The following WDFY3 variants were observed in gnomAD, a reference collection of about 807,000 sequenced individuals.
WDFY3 encodes the protein WD repeat and FYVE domain-containing protein 3.
In WDFY3, 66 loss-of-function variants were observed where a neutral mutation model predicts 409.6. That is an observed-to-expected ratio of 0.16 (90% CI 0.13 to 0.20). WDFY3 has a LOEUF of 0.20. Among genes scored for constraint, WDFY3 ranks in the 10% least tolerant of loss-of-function variants. The pLI is 1.00. For missense variants in WDFY3, 3,031 were observed against 4,298.1 expected (o/e 0.71, Z 8.24); for synonymous variants, 1,521 against 1,537.1 (o/e 0.99, Z 0.25).
intron 18 of WDFY3, 96 bp from the exon 19 acceptor site, chr4:84,796,848 T>C (rs985690931): frequency 2.0e-6 from 2 of 1,012,828 alleles, no homozygotes; most frequent in Admixed American, 2.5e-5. Flanking sequence ...TCAGTTTCAA[T>C]AGACAATAAT....
chr4:84,911,449 T>C (rs755110391), intron 2 of WDFY3, among the ~76,000 whole-genome samples: 6 of 152,108 alleles, frequency 3.9e-5, no homozygotes, highest in Non-Finnish European at 8.8e-5. Context: ...ATCGCACCAC[T>C]ACACTCCAGA....
rs1729091183 is a variant in WDFY3, at chr4:84,690,571, T to A, written c.9298A>T (p.Thr3100Ser). The A allele has an allele frequency of 9.3e-6, 15 of 1,614,066 alleles. No homozygotes were observed. The highest frequency in any genetic ancestry group is 1.3e-5 in the Non-Finnish European group (15 of 1,180,036). Residue 3100 changes from threonine (T) to serine (S), a missense_variant, in exon 61 of 68, where the codon ACG (threonine) becomes TCG (serine). Coordinates refer to ENST00000295888, the MANE Select transcript of WDFY3 (RefSeq NM_014991.6). The part of the protein sequence containing the change: ...PKLVITGGTS[T>S]VVCVWEMGTS... ...CCCATCTCCCACACACACACAACCG[T>A]GCTTGTTCCACCCGTGATGACCAGC... is the stretch of plus-strand genomic sequence containing the variant.
chr4:84,720,029 A>G (rs1472554131), intron 47 of WDFY3, among the ~76,000 whole-genome samples: 1 of 152,232 alleles, frequency 6.6e-6, no homozygotes, highest in African/African-American at 2.4e-5. Context: ...AAAAGGTGAT[A>G]TTCATGACAC....
At chr4:84,683,893 T>C in intron 63 of WDFY3, 50 bp downstream of exon 63, 1 of 1,521,572 alleles carries the variant, frequency 6.6e-7, no homozygotes, top group Non-Finnish European at 8.9e-7. Flanking sequence ...AAGTTTCTGG[T>C]AAACTAGGAT....
At chr4:84,952,995 A>G (rs1426623425) in intron 1 of WDFY3, among the ~76,000 whole-genome samples, 1 of 152,168 alleles carries the variant, frequency 6.6e-6, no homozygotes, top group Non-Finnish European at 1.5e-5. Flanking sequence ...TCACTGCAGC[A>G]TTATTCATTA....
At chr4:84,845,887 C>T (rs1051383291) in intron 5 of WDFY3, among the ~76,000 whole-genome samples, 1 of 151,744 alleles carries the variant, frequency 6.6e-6, no homozygotes, top group Non-Finnish European at 1.5e-5. Context: ...TAACTCTACT[C>T]CAATTCTCAA....
At chr4:84,885,019 G>A (rs1764009729) in intron 3 of WDFY3, among the ~76,000 whole-genome samples, 1 of 152,086 alleles carries the variant, frequency 6.6e-6, no homozygotes, top group African/African-American at 2.4e-5. Context: ...GTTGTTGTCT[G>A]AGGTGAAGTC....
chr4:84,905,322 T>A (rs1766897608), intron 2 of WDFY3, among the ~76,000 whole-genome samples: 1 of 152,140 alleles, frequency 6.6e-6, no homozygotes, highest in Admixed American at 6.5e-5. Context: ...GGCGACAGAG[T>A]GAGACTCTAT....
chr4:84,824,919 T>C (rs1754629939), intron 10 of WDFY3, among the ~76,000 whole-genome samples: 1 of 152,198 alleles, frequency 6.6e-6, no homozygotes, highest in Non-Finnish European at 1.5e-5. Flanking sequence ...CCATTCACTT[T>C]ATAGAATATT....
chr4:84,788,803 T>C (rs1297649580), intron 22 of WDFY3, among the ~76,000 whole-genome samples: 1 of 152,152 alleles, frequency 6.6e-6, no homozygotes, highest in Non-Finnish European at 1.5e-5. Flanking sequence ...GAGGATCACC[T>C]GAGGTCAGGA....
At chr4:84,929,565 A>C (rs1210773456) in intron 2 of WDFY3, among the ~76,000 whole-genome samples, 1 of 151,812 alleles carries the variant, frequency 6.6e-6, no homozygotes, top group East Asian at 2.0e-4. Flanking sequence ...ATCAAGTTAA[A>C]ATGAGGCCAT....
intron 30 of WDFY3, among the ~76,000 whole-genome samples, chr4:84,766,635 C>T (rs1022073114): frequency 5.9e-5 from 9 of 152,168 alleles, no homozygotes; most frequent in African/African-American, 2.2e-4. Flanking sequence ...TTCCCCTTGC[C>T]TTCCCAGTAG....
In WDFY3 at chr4:84,678,195, G is replaced by A. The variant is rs1726681555; in HGVS notation, c.10232C>T (p.Ala3411Val). The change falls in exon 66 of 68, where the codon GCT becomes GTT. Residue 3411 changes from alanine (A) to valine (V), a missense_variant. Coordinates refer to ENST00000295888, the MANE Select transcript of WDFY3 (RefSeq NM_014991.6). Reference sequence around the variant, plus strand: ...GGAGATGCCCAAGGCAGTGACCTCAGCTGGGTGTGCATTGTCCTTTCGATC... The same window carrying A: ...GGAGATGCCCAAGGCAGTGACCTCAACTGGGTGTGCATTGTCCTTTCGATC... ...AFDRKDNAHPAEVTALGISKD... is the reference protein window; with the variant it reads ...AFDRKDNAHPVEVTALGISKD... 6.2e-7 allele frequency: 1 copy of A among 1,613,990 alleles called. No homozygotes were observed. The highest frequency in any genetic ancestry group is 8.5e-7 in the Non-Finnish European group (1 of 1,179,998).
intron 32 of WDFY3, among the ~76,000 whole-genome samples, chr4:84,760,879 T>G (rs1457851975): frequency 6.9e-6 from 1 of 145,252 alleles, no homozygotes; most frequent in Non-Finnish European, 1.5e-5. Flanking sequence ...GCTTTTCTAG[T>G]TCTTTTAATT....
intron 29 of WDFY3, among the ~76,000 whole-genome samples, chr4:84,773,682 A>C (rs1011366072): frequency 2.0e-5 from 3 of 152,186 alleles, no homozygotes; most frequent in Non-Finnish European, 4.4e-5. Context: ...AATTCTCCAA[A>C]ATAATTCTTA....
chr4:84,860,242 C>G (rs1296427219), intron 4 of WDFY3, among the ~76,000 whole-genome samples, 170 bp downstream of exon 4: 2 of 152,204 alleles, frequency 1.3e-5, no homozygotes, highest in African/African-American at 4.8e-5. Context: ...CCAGGTTTCA[C>G]ATCAAGTCAC....
chr4:84,914,388 C>T (rs547568169), intron 2 of WDFY3, among the ~76,000 whole-genome samples: 21 of 151,870 alleles, frequency 1.4e-4, no homozygotes, highest in African/African-American at 3.9e-4. Context: ...CACTTCAGCC[C>T]GGGCAACAGT....
At chr4:84,832,206 G>A (rs1239906109) in intron 7 of WDFY3, among the ~76,000 whole-genome samples, 2 of 152,088 alleles carry the variant, frequency 1.3e-5, no homozygotes, top group Non-Finnish European at 2.9e-5. Flanking sequence ...TAAGCTTGGA[G>A]GACATTATGT....
chr4:84,940,889 T>C (rs1033680521), intron 1 of WDFY3, among the ~76,000 whole-genome samples: 5 of 151,948 alleles, frequency 3.3e-5, no homozygotes, highest in African/African-American at 1.2e-4. Context: ...TTAACATAAT[T>C]TACCATTATC....
Sources: gnomAD v4.1 joint callset for allele counts (sites outside exome capture counted in the v4.1 genomes callset) on GRCh38, gnomAD v4.1.1 for gene constraint, MANE v1.5 for transcripts, NCBI Gene and HGNC (gene_info 2026-07-23, HGNC 2026-07-21) for gene names.